The following PEAK1 variants were observed in gnomAD, a reference collection of about 807,000 sequenced individuals.
PEAK1 encodes inactive tyrosine-protein kinase PEAK1.
In PEAK1, 54 loss-of-function variants were observed where a neutral mutation model predicts 124.7. The observed-to-expected ratio is 0.43, with a 90% confidence interval of 0.35 to 0.54. The LOEUF is 0.54. Ranked by LOEUF, PEAK1 falls within the 20% of genes least tolerant of loss-of-function variation. The pLI, the probability that PEAK1 is intolerant of heterozygous loss-of-function variation, is 0.01. For missense variants in PEAK1, 2,046 were observed against 2,134.5 expected (o/e 0.96, Z 0.82); for synonymous variants, 719 against 760.0 (o/e 0.95, Z 0.89).
At chr15:77,227,186 A>G (rs1334913875) in intron 6 of PEAK1, among the ~76,000 whole-genome samples, 2 of 152,220 alleles carry the variant, frequency 1.3e-5, no homozygotes, top group East Asian at 1.9e-4. Context: ...GGAAAAACAA[A>G]AATGGCAATC....
Position 77,114,049 on chromosome 15 carries a change from G to T in PEAK1, c.*107C>A. ...CACTTGTTCACGGACAGGGATAGAG[G>T]TTTGCCTTTCTTCTTTCCTTGAATT... On this transcript the variant is annotated 3_prime_UTR_variant, in exon 10 of 10. Coordinates refer to ENST00000682557, the MANE Select transcript of PEAK1 (RefSeq NM_001385026.1). The T allele has an allele frequency of 1.6e-6, 2 of 1,220,400 alleles. No homozygotes were observed. Among genetic ancestry groups the T allele is most frequent in the South Asian group, 1.4e-5 (1 of 71,898 alleles). 75.6% of individuals were successfully genotyped at this position (1,220,400 alleles called of 1,614,324 possible).
intron 6 of PEAK1, among the ~76,000 whole-genome samples, chr15:77,249,139 T>G (rs553726476): frequency 1.7e-4 from 24 of 145,060 alleles, no homozygotes; most frequent in African/African-American, 6.2e-4. Context: ...ACTATTGAAA[T>G]TTTTTTTTTT....
intron 5 of PEAK1, among the ~76,000 whole-genome samples, chr15:77,282,210 C>T (rs2062708437): frequency 6.6e-6 from 1 of 151,826 alleles, no homozygotes; most frequent in Non-Finnish European, 1.5e-5. Flanking sequence ...TTATTGCCAT[C>T]CTGAGGTTTA....
At chr15:77,104,132 TAC>T (rs2050723047), downstream of PEAK1, 3 of 152,436 alleles carry the variant, frequency 2.0e-5, no homozygotes, top group Middle Eastern at 3.4e-3. Context: ...ATCTCAGCTC[TAC>T]CACTTACCAG....
chr15:77,180,947 G>C lies in PEAK1; in HGVS notation c.980C>G (p.Ser327Cys), dbSNP rs760418678. The change falls in exon 7 of 10, where the codon TCT becomes TGT. Residue 327 changes from serine to cysteine, a missense_variant. Transcript: ENST00000682557. The stretch of plus-strand genomic sequence containing the variant: ...GCTCTGAATGCTTCCTTGTCCATAA[G>C]AGACCACAGAATTTTCCTCATAACC... ...LNGYEENSVV[S>C]YGQGSIQSMV... 12 of 1,613,974 alleles carry C rather than the reference G, an allele frequency of 7.4e-6. No homozygotes were observed. The highest frequency in any genetic ancestry group is 3.3e-5 in the Admixed American group (2 of 59,998).
intron 1 of PEAK1, among the ~76,000 whole-genome samples, chr15:77,411,688 C>T (rs1396788573): frequency 6.6e-6 from 1 of 152,142 alleles, no homozygotes; most frequent in East Asian, 1.9e-4. Context: ...TCACTGCAGC[C>T]TTGAACTTCT....
At chr15:77,206,748 T>C (rs1334333238) in intron 6 of PEAK1, among the ~76,000 whole-genome samples, 2 of 151,964 alleles carry the variant, frequency 1.3e-5, no homozygotes, top group African/African-American at 4.8e-5. Context: ...GACGAGTAGG[T>C]TGCGAAAATT....
At chr15:77,106,429 T>C (rs1338572537), downstream of PEAK1, 1 of 152,168 alleles carries the variant, frequency 6.6e-6, no homozygotes, top group African/African-American at 2.4e-5. Context: ...AGTGGAGCAA[T>C]CTCGGCTCAC....
intron 2 of PEAK1, chr15:77,335,468 C>A (rs2066141578): frequency 1.0e-6 from 1 of 985,340 alleles, no homozygotes; most frequent in African/African-American, 1.7e-5. Flanking sequence ...TATCACTATA[C>A]ATCACGTTGA....
rs1486295280 is a variant in PEAK1, at chr15:77,179,028, G to C, written c.2899C>G (p.Pro967Ala). The C allele has an allele frequency of 2.5e-6, 4 of 1,614,128 alleles. No homozygotes were observed. Among genetic ancestry groups the C allele is most frequent in the East Asian group, 4.5e-5 (2 of 44,868 alleles). ...GTGAACCAGTGATGGCGCTGAACTGGAGGAGGAGGCAGCATGTGAATGACT... is the reference window on the plus strand; with the variant it reads ...GTGAACCAGTGATGGCGCTGAACTGCAGGAGGAGGCAGCATGTGAATGACT... ...GTVIHMLPPP[P>A]VQRHHWFTEA... is the part of the protein sequence containing the mutation. The change falls in exon 7 of 10, where the codon CCA (proline) becomes GCA (alanine). Residue 967 changes from proline (P) to alanine (A), a missense_variant. Transcript: ENST00000682557.
chr15:77,418,282 A>T (rs2142206098), intron 1 of PEAK1: 2 of 985,410 alleles, frequency 2.0e-6, no homozygotes, highest in Non-Finnish European at 2.4e-6. Context: ...GGGACAGGAG[A>T]TGGGGGGTAG....
chr15:77,127,410 G>C lies in PEAK1; in HGVS notation c.4077+5595C>G, dbSNP rs551682097. 5.3e-5 allele frequency among the ~76,000 whole-genome samples: 8 copies of C among 152,316 alleles called. No individual in the cohort carries two copies. In the South Asian group the frequency reaches 6.2e-4, roughly 12 times the overall value. The stretch of plus-strand genomic sequence containing the variant: ...AAAAGGTAGAAGCAGCTTTGGAATT[G>C]GGTAGAGGCTAGAAGAGTTTTGAGA... On this transcript the variant is annotated intron_variant, in intron 9 of 9. Coordinates refer to ENST00000682557, the MANE Select transcript of PEAK1 (RefSeq NM_001385026.1).
chr15:77,234,101 A>C (rs1285842429), intron 6 of PEAK1, among the ~76,000 whole-genome samples: 1 of 152,100 alleles, frequency 6.6e-6, no homozygotes, highest in African/African-American at 2.4e-5. Flanking sequence ...CCTAGACTTG[A>C]GTGATTCTCC....
At chr15:77,291,287 G>A (rs1167574577) in intron 2 of PEAK1, among the ~76,000 whole-genome samples, 1 of 152,012 alleles carries the variant, frequency 6.6e-6, no homozygotes, top group Non-Finnish European at 1.5e-5. Flanking sequence ...CAACATTTGT[G>A]AATGAAAGGT....
intron 6 of PEAK1, among the ~76,000 whole-genome samples, chr15:77,206,651 T>C (rs1215385871): frequency 6.6e-6 from 1 of 151,352 alleles, no homozygotes; most frequent in Non-Finnish European, 1.5e-5. Context: ...GTTCATGTCC[T>C]TCGCCCACTT....
intron 1 of PEAK1, among the ~76,000 whole-genome samples, chr15:77,368,769 T>C (rs1405819724): frequency 3.9e-5 from 6 of 152,146 alleles, no homozygotes; most frequent in Non-Finnish European, 7.4e-5. Flanking sequence ...GCAGTGAGTG[T>C]AGCAATTCAA....
chr15:77,242,825 T>C (rs1349615703), intron 6 of PEAK1, among the ~76,000 whole-genome samples: 1 of 152,174 alleles, frequency 6.6e-6, no homozygotes, highest in East Asian at 1.9e-4. Flanking sequence ...CATGCCTCAC[T>C]TATAACACAT....
In PEAK1 at chr15:77,390,496, T is replaced by C. The variant is rs80240851; in HGVS notation, c.-665-25271A>G. On this transcript the variant is annotated intron_variant, in intron 1 of 9. Transcript: ENST00000682557. ...CTATCATATGCTCAACACACTTCCA[T>C]GGGCACAGGTAGGCCTCTGTAAAAC... Among the ~76,000 whole-genome samples the C allele has an allele frequency of 7.3e-3, 1,105 of 152,320 alleles. 15 individuals are homozygous for C. Among genetic ancestry groups the C allele is most frequent in the African/African-American group, 0.025 (1,049 of 41,564 alleles).
At position 77,352,858 on chromosome 15, in the gene PEAK1, C is replaced by CA. The variant is rs532508924; in HGVS notation, c.-603+12304dup. On this transcript the variant is annotated intron_variant, in intron 2 of 9. Transcript: ENST00000682557. ...TTCATAACAGCTTTGTTAAAAAAAACAAAAAAAGACATTTAGTGAAGGATC... is the reference window on the plus strand; with the variant it reads ...TTCATAACAGCTTTGTTAAAAAAAACAAAAAAAAGACATTTAGTGAAGGATC... The CA allele has an allele frequency of 2.0e-4, 195 of 984,772 alleles. No homozygotes were observed. In the African/African-American group the frequency reaches 3.1e-3, roughly 16 times the overall value. The allele number at this position is 984,772 out of a possible 1,614,324, so 61.0% of individuals were successfully genotyped here.
Sources: gnomAD v4.1 joint callset for allele counts (sites outside exome capture counted in the v4.1 genomes callset) on GRCh38, gnomAD v4.1.1 for gene constraint, MANE v1.5 for transcripts, NCBI Gene and HGNC (gene_info 2026-07-23, HGNC 2026-07-21) for gene names.